Variants in INTS6 observed in about 807,000 individuals in gnomAD.
The protein encoded by INTS6 is DEAD box protein.
A neutral mutation model predicts 104.9 loss-of-function variants in INTS6; 16 were observed. That is an observed-to-expected ratio of 0.15 (90% CI 0.10 to 0.23). The LOEUF (loss-of-function observed/expected upper bound fraction) is 0.23, where lower values mean the gene tolerates loss of function less well. INTS6 is among the 10% of genes least tolerant of loss of function. INTS6 has a pLI of 1.00. For synonymous variants in INTS6, 324 were observed against 358.7 expected, an observed-to-expected ratio of 0.90 and a Z score of 1.09; for missense variants, 584 against 1,062.8, an observed-to-expected ratio of 0.55 and a Z score of 6.26.
At chr13:51,407,172 T>C (rs1188015293) in intron 4 of INTS6, among the ~76,000 whole-genome samples, 2 of 152,204 alleles carry the variant, frequency 1.3e-5, no homozygotes, top group Admixed American at 6.5e-5. Context: ...TCTCTTCAGA[T>C]CTTGGCTCTC....
At chr13:51,450,866 T>C (rs1482789833) in intron 3 of INTS6, 159 bp downstream of exon 3, 8 of 1,251,226 alleles carry the variant, frequency 6.4e-6, no homozygotes, top group African/African-American at 1.5e-5. Context: ...GTAAAATATA[T>C]ATAGTAGGGT....
At chr13:51,345,592 CA>C in the INTS6 span, among the ~76,000 whole-genome samples, 1,902 of 37,022 alleles carry the variant, frequency 0.051, 5 homozygotes, top group East Asian at 0.15. Context: ...GATTTCATCT[CA>C]AAAAAAAAAA....
chr13:51,417,428 C>A (rs540925396), intron 4 of INTS6, among the ~76,000 whole-genome samples: 224 of 151,240 alleles, frequency 1.5e-3, no homozygotes, highest in African/African-American at 5.1e-3. Flanking sequence ...TTCAGTTGGC[C>A]CAAAACCATT....
At chr13:51,448,695 A>T (rs985429682) in intron 3 of INTS6, 1 of 152,220 alleles carries the variant, frequency 6.6e-6, no homozygotes, top group Non-Finnish European at 1.5e-5. Context: ...TAACCCAGAC[A>T]TTTAAGAAAG....
chr13:51,376,505 G>A (rs1295270604), intron 12 of INTS6, among the ~76,000 whole-genome samples: 2 of 152,070 alleles, frequency 1.3e-5, no homozygotes, highest in African/African-American at 2.4e-5. Flanking sequence ...GCTTTGATGT[G>A]TAATTTATAT....
chr13:51,430,178 T>A, intron 4 of INTS6, 116 bp downstream of exon 4: 2 of 811,824 alleles, frequency 2.5e-6, no homozygotes, highest in South Asian at 3.2e-5. Context: ...GACAGATGAC[T>A]CTAAATTGCA....
intron 7 of INTS6, 102 bp from the exon 8 acceptor site, chr13:51,383,843 T>A (rs1956092748): frequency 1.0e-6 from 1 of 988,952 alleles, no homozygotes; most frequent in East Asian, 2.6e-5. Flanking sequence ...GTCTTGCTAG[T>A]AAGAGTTTGA....
Position 51,429,763 on chromosome 13 carries a change from C to CAAA in INTS6, c.429+528_429+530dup, listed in dbSNP as rs35873020. ...GGGGCAACAGAGTGAGACTCTGTCTCAAAAAAAAAAAAAAAAAAAAAAATA... is the reference window on the plus strand; with the variant it reads ...GGGGCAACAGAGTGAGACTCTGTCTCAAAAAAAAAAAAAAAAAAAAAAAAAATA... On this transcript the variant is annotated intron_variant, in intron 4 of 17. Transcript: ENST00000311234. Among the ~76,000 whole-genome samples the CAAA allele has an allele frequency of 6.5e-3, 176 of 26,942 alleles. 5 individuals are homozygous for CAAA. The highest frequency in any genetic ancestry group is 8.2e-3 in the South Asian group (6 of 728). 17.7% of individuals were successfully genotyped at this position (26,942 alleles called of 152,430 possible). A position where few individuals can be genotyped will look rare whatever the true frequency, so the allele number is the denominator to read the frequency against.
At chr13:51,387,341 C>T in intron 7 of INTS6, 45 bp downstream of exon 7, 3 of 1,514,476 alleles carry the variant, frequency 2.0e-6, no homozygotes, top group Non-Finnish European at 2.7e-6. Flanking sequence ...ATAGGAAAGA[C>T]AGCTGAATGG....
intron 4 of INTS6, among the ~76,000 whole-genome samples, chr13:51,427,606 A>G (rs1957006807): frequency 6.6e-6 from 1 of 152,178 alleles, no homozygotes. Context: ...CACGCAGGGA[A>G]TCAAAGACAT....
intron 16 of INTS6, among the ~76,000 whole-genome samples, chr13:51,368,175 T>C (rs1349841075): frequency 1.3e-5 from 2 of 152,140 alleles, no homozygotes; most frequent in African/African-American, 4.8e-5. Context: ...AATAGCTTTA[T>C]GGTAGTATCA....
At chr13:51,339,669 G>C in the INTS6 span, 2 of 152,212 alleles carry the variant, frequency 1.3e-5, no homozygotes, top group Admixed American at 6.5e-5. Flanking sequence ...TTTTTTAAAA[G>C]GGGAGCACAT....
chr13:51,438,058 G>C (rs566499932), intron 3 of INTS6: 1 of 152,190 alleles, frequency 6.6e-6, no homozygotes, highest in African/African-American at 2.4e-5. Flanking sequence ...TAGTTTTAAG[G>C]GGCCCTGGTT....
At chr13:51,348,300 C>T in the INTS6 span, 1 of 1,612,944 alleles carries the variant, frequency 6.2e-7, no homozygotes, top group Non-Finnish European at 8.5e-7. Flanking sequence ...CTGGTGCTGC[C>T]CCGTGACAAA....
At chr13:51,355,364 C>T (rs995971151) in intron 3 of INTS6, among the ~76,000 whole-genome samples, 3 of 152,156 alleles carry the variant, frequency 2.0e-5, no homozygotes, top group African/African-American at 7.2e-5. Context: ...TTTTCAGAGA[C>T]GACCTTCACC....
At chr13:51,353,781 G>C (rs928675760), downstream of INTS6, among the ~76,000 whole-genome samples, 1 of 152,138 alleles carries the variant, frequency 6.6e-6, no homozygotes, top group Non-Finnish European at 1.5e-5. Flanking sequence ...TAGCAATGAA[G>C]ACCTTTGATA....
chr13:51,357,987 T>C (rs1207617022), downstream of INTS6, among the ~76,000 whole-genome samples: 7 of 152,180 alleles, frequency 4.6e-5, no homozygotes. Context: ...ATGGAAGTTA[T>C]GTAAGTTAAC....
downstream of INTS6, among the ~76,000 whole-genome samples, chr13:51,359,190 C>G (rs779572857): frequency 6.6e-6 from 1 of 152,112 alleles, no homozygotes; most frequent in African/African-American, 2.4e-5. Flanking sequence ...AGAAAAAGAC[C>G]AGGAGAATCC....
chr13:51,448,668 T>C (rs1188068080), intron 3 of INTS6: 1 of 152,176 alleles, frequency 6.6e-6, no homozygotes, highest in Non-Finnish European at 1.5e-5. Flanking sequence ...TCTACATAAA[T>C]ATACAAATAT....
Sources: allele counts gnomAD v4.1 joint callset (sites outside exome capture counted in the v4.1 genomes callset), GRCh38; gene constraint gnomAD v4.1.1; transcripts MANE v1.5; gene names NCBI Gene and HGNC (gene_info 2026-07-23, HGNC 2026-07-21).